Variants in ATXN2L observed in about 807,000 individuals in gnomAD.
ATXN2L encodes ataxin 2 like.
Under a neutral mutation model 120.7 loss-of-function variants are expected in ATXN2L, and 24 were observed. The ratio of observed to expected loss-of-function variants is 0.20; its 90% confidence interval spans 0.14 to 0.28. The LOEUF (loss-of-function observed/expected upper bound fraction) is 0.28, where lower values mean the gene tolerates loss of function less well. Ranked by LOEUF, ATXN2L falls within the 10% of genes least tolerant of loss-of-function variation. ATXN2L has a pLI of 1.00. For missense variants in ATXN2L, 1,312 were observed against 1,432.3 expected (o/e 0.92, Z 1.36); for synonymous variants, 653 against 568.1 (o/e 1.15, Z -2.13).
Position 28,823,312 on chromosome 16 carries a change from C to T in ATXN2L, c.53C>T (p.Pro18Leu). The T allele has an allele frequency of 2.7e-6, 4 of 1,492,190 alleles. No individual in the cohort carries two copies. Among genetic ancestry groups the T allele is most frequent in the Non-Finnish European group, 3.6e-6 (4 of 1,122,648 alleles). 92.4% of individuals were successfully genotyped at this position (1,492,190 alleles called of 1,614,324 possible). ...QQPSQPQQPP[P>L]TQQAVARRPP... ...CCCTCCCAGCCCCAGCAGCCGCCCC[C>T]CACGCAACAGGCCGTGGCCCGTCGG... The change falls in exon 1 of 22, where the codon CCC (proline) becomes CTC (leucine). Residue 18 changes from proline to leucine, a missense_variant. Physicochemically the swap from Pro to Leu is moderately conservative, Grantham distance 98. Coordinates refer to ENST00000336783, the MANE Select transcript of ATXN2L (RefSeq NM_007245.4).
chr16:28,826,157 C>G, intron 4 of ATXN2L, 83 bp from the exon 5 acceptor site: 2 of 1,530,602 alleles, frequency 1.3e-6, no homozygotes, highest in Non-Finnish European at 1.8e-6. Context: ...AAATCCAGTT[C>G]TATTTAAGAG....
chr16:28,831,901 T>C lies in ATXN2L; in HGVS notation c.1322-304T>C, dbSNP rs550629200. 9.9e-5 allele frequency among the ~76,000 whole-genome samples: 15 copies of C among 152,104 alleles called. No individual in the cohort carries two copies. In the South Asian group the frequency reaches 1.9e-3, roughly 19 times the overall value. ...CCCTGTCTCTAAATAAATAAATCAA[T>C]AGAAGCCATAGAAAATTTTTAGTTT... On this transcript the variant is annotated intron_variant, in intron 10 of 21. Coordinates refer to ENST00000336783, the MANE Select transcript of ATXN2L (RefSeq NM_007245.4).
At chr16:28,834,923 G>T (rs956164110) in intron 18 of ATXN2L, 135 bp from the exon 19 acceptor site, 29 of 1,276,572 alleles carry the variant, frequency 2.3e-5, no homozygotes, top group South Asian at 4.4e-5. Flanking sequence ...TGTCTGCTGG[G>T]TGGGATCGTT....
intron 17 of ATXN2L, 42 bp from the exon 18 acceptor site, chr16:28,834,464 G>A (rs1345707336): frequency 1.2e-6 from 2 of 1,613,504 alleles, no homozygotes; most frequent in Non-Finnish European, 8.5e-7. Flanking sequence ...AGGGCCTACT[G>A]GCAGGTGGAG....
chr16:28,825,776 A>G lies in ATXN2L; in HGVS notation c.400A>G (p.Thr134Ala). The G allele has an allele frequency of 6.2e-7, 1 of 1,614,038 alleles. No homozygotes were observed. The highest frequency in any genetic ancestry group is 8.5e-7 in the Non-Finnish European group (1 of 1,179,952). ...LHFLTAVVGS[T>A]CDVKVKNGTT... is the part of the protein sequence containing the mutation. ...ATTTTTCCCACTCTGCCAGGGCTCC[A>G]CTTGTGATGTAAAGGTGAAAAATGG... is the stretch of plus-strand genomic sequence containing the variant. The change falls in exon 4 of 22, where the codon ACT becomes GCT. Residue 134 changes from threonine to alanine, a missense_variant. Coordinates refer to ENST00000336783, the MANE Select transcript of ATXN2L (RefSeq NM_007245.4).
At chr16:28,823,822 A>G (rs890918722) in intron 1 of ATXN2L, 1 of 374,772 alleles carries the variant, frequency 2.7e-6, no homozygotes, top group East Asian at 4.2e-5. Flanking sequence ...GGCGGGGCGC[A>G]TCCCGCCGGC....
rs1959294065 is a variant in ATXN2L at position 28,834,658 on chromosome 16, G to A, written c.2398G>A (p.Ala800Thr). 1.9e-6 allele frequency: 3 copies of A among 1,613,930 alleles called. No individual in the cohort carries two copies. Residue 800 changes from alanine (A) to threonine (T), a missense_variant, in exon 18 of 22, where the codon GCC becomes ACC. Physicochemically the swap from Ala to Thr is moderately conservative, Grantham distance 58. Coordinates refer to ENST00000336783, the MANE Select transcript of ATXN2L (RefSeq NM_007245.4). ...CCCTCAGCAGTTCCCAGGCCAGCCA[G>A]CCATGATGCAGCCCATGGCCCACTA... ...YNPQQFPGQP[A>T]MMQPMAHYPS...
At chr16:28,829,572 A>G (rs1280320583) in intron 7 of ATXN2L, 80 bp downstream of exon 7, 2 of 1,139,332 alleles carry the variant, frequency 1.8e-6, no homozygotes, top group Non-Finnish European at 2.6e-6. Context: ...GGTAGAACAT[A>G]GTTTTTGCTC....
chr16:28,836,628 T>A lies in ATXN2L; in HGVS notation c.*363T>A. ...GAGACACCTTGAGGAGGCCGCTCCT[T>A]CCCAGACACACCCCCACGCCCCCAC... is the stretch of plus-strand genomic sequence containing the variant. On this transcript the variant is annotated 3_prime_UTR_variant, in exon 22 of 22. Transcript: ENST00000336783. The A allele has an allele frequency of 1.2e-6, 2 of 1,605,642 alleles. No individual in the cohort carries two copies. The highest frequency in any genetic ancestry group is 1.7e-6 in the Non-Finnish European group (2 of 1,177,336).
intron 10 of ATXN2L, 105 bp downstream of exon 10, chr16:28,831,177 G>C (rs1439162737): frequency 3.6e-6 from 3 of 840,258 alleles, no homozygotes; most frequent in Non-Finnish European, 5.5e-6. Flanking sequence ...TTTTAAGATA[G>C]ATGTTTTGGG....
Position 28,833,504 on chromosome 16 carries a change from C to G in ATXN2L, c.2021C>G (p.Ser674Cys). 1 of 1,614,166 alleles carries G rather than the reference C, an allele frequency of 6.2e-7. No individual in the cohort carries two copies. The highest frequency in any genetic ancestry group is 8.5e-7 in the Non-Finnish European group (1 of 1,180,012). The change falls in exon 15 of 22, where the codon TCT becomes TGT. Residue 674 changes from serine to cysteine, a missense_variant. Physicochemically the swap from Ser to Cys is moderately radical, Grantham distance 112. Coordinates refer to ENST00000336783, the MANE Select transcript of ATXN2L (RefSeq NM_007245.4). ...TTCAATCCTACAAAGCCTCTGCTGT[C>G]TGTGGTGAGCTGGGACAGGAGAATG... The part of the protein sequence containing the change: ...KEFNPTKPLL[S>C]VNKSTSTPTS...
chr16:28,832,577 G>C lies in ATXN2L; in HGVS notation c.1588+10G>C. 1.2e-6 allele frequency: 2 copies of C among 1,613,242 alleles called. No individual in the cohort carries two copies. Among genetic ancestry groups the C allele is most frequent in the Non-Finnish European group, 1.7e-6 (2 of 1,179,332 alleles). On this transcript the variant is annotated intron_variant, in intron 12 of 21. Coordinates refer to ENST00000336783, the MANE Select transcript of ATXN2L (RefSeq NM_007245.4). ...CGGATAGCTGGGAAAGGTGAGGGTG[G>C]TTTTTTTTCTGCTGAGGATTAATGC...
rs2053476498 is a variant in ATXN2L, at chr16:28,829,250, G to T, written c.742-151G>T. The T allele has an allele frequency of 2.2e-5, 14 of 623,534 alleles. No individual in the cohort carries two copies. The South Asian group carries it at 2.7e-4, about 12-fold the overall frequency. 38.6% of individuals were successfully genotyped at this position (623,534 alleles called of 1,614,324 possible). ...ACTCCTGGCCTCAGGAGAGCCTCCT[G>T]CCTCAGCTTCCCAAAGTACTGGGAT... On this transcript the variant is annotated intron_variant, in intron 6 of 21. Coordinates refer to ENST00000336783, the MANE Select transcript of ATXN2L (RefSeq NM_007245.4).
Position 28,837,198 on chromosome 16 carries a change from A to T in ATXN2L, c.*933A>T, listed in dbSNP as rs977330093. 10 of 171,490 alleles carry T rather than the reference A, an allele frequency of 5.8e-5. No individual in the cohort carries two copies. Among genetic ancestry groups the T allele is most frequent in the East Asian group, 1.7e-4 (1 of 5,824 alleles). The allele number at this position is 171,490 out of a possible 1,614,324, so 10.6% of individuals were successfully genotyped here. A position where few individuals can be genotyped will look rare whatever the true frequency, so the allele number is the denominator to read the frequency against. On this transcript the variant is annotated 3_prime_UTR_variant, in exon 22 of 22. Coordinates refer to ENST00000336783, the MANE Select transcript of ATXN2L (RefSeq NM_007245.4). ...TTACTTTTTATTACATAAAAATATT[A>T]AAAAATAAATAAAAAAAATAAAATT...
intron 18 of ATXN2L, 178 bp downstream of exon 18, chr16:28,834,871 A>G (rs1328484261): frequency 8.8e-7 from 1 of 1,134,762 alleles, no homozygotes; most frequent in African/African-American, 1.6e-5. Flanking sequence ...TACCTGTAAC[A>G]AGGCATTGGA....
chr16:28,836,036 C>G lies in ATXN2L; in HGVS notation c.2999C>G (p.Pro1000Arg), dbSNP rs1400524006. The G allele has an allele frequency of 6.3e-7, 1 of 1,592,906 alleles. No homozygotes were observed. Among genetic ancestry groups the G allele is most frequent in the Non-Finnish European group, 8.6e-7 (1 of 1,167,932 alleles). ...CACCCACCCCAGAGTCATGGGGGGC[C>G]CCCCCAAGGCGCGGTGCCCCAGAGT... is the stretch of plus-strand genomic sequence containing the variant. Reference protein sequence around the residue: ...LLHPPQSHGGPPQGAVPQSGV... With the variant: ...LLHPPQSHGGRPQGAVPQSGV... The change falls in exon 22 of 22, where the codon CCC becomes CGC. Residue 1000 changes from proline to arginine, a missense_variant. Pro to Arg is a moderately radical substitution (Grantham distance 103). Transcript: ENST00000336783.
chr16:28,826,378 T>G lies in ATXN2L; in HGVS notation c.604T>G (p.Tyr202Asp), dbSNP rs2051974181. 1 of 1,614,088 alleles carries G rather than the reference T, an allele frequency of 6.2e-7. No individual in the cohort carries two copies. The highest frequency in any genetic ancestry group is 1.7e-5 in the Admixed American group (1 of 60,002). Residue 202 changes from tyrosine (Y) to aspartate (D), a missense_variant, in exon 5 of 22, where the codon TAT (tyrosine) becomes GAT (aspartate). Tyr to Asp is a radical substitution (Grantham distance 160). Transcript: ENST00000336783. Reference sequence around the variant, plus strand: ...TCACTTCCGAAATGTTGACTTCAACTATGCTACTAAAGGTATTGTCCTAGG... The same window carrying G: ...TCACTTCCGAAATGTTGACTTCAACGATGCTACTAAAGGTATTGTCCTAGG... ...LVHFRNVDFNYATKDKFTDSA... is the reference protein window; with the variant it reads ...LVHFRNVDFNDATKDKFTDSA...
In ATXN2L at chr16:28,834,264, G is replaced by A. The variant is rs895602064; in HGVS notation, c.2172+53G>A. ...GGTTAGCGGGGTGGGATTTGGTTGC[G>A]CTGGTTGAGGGACCAGGTCAGGCCT... On this transcript the variant is annotated intron_variant, in intron 16 of 21. Coordinates refer to ENST00000336783, the MANE Select transcript of ATXN2L (RefSeq NM_007245.4). The A allele has an allele frequency of 6.2e-6, 10 of 1,609,834 alleles. No individual in the cohort carries two copies. In the African/African-American group the frequency reaches 8.0e-5, roughly 13 times the overall value.
At chr16:28,827,016 G>A in intron 6 of ATXN2L, 30 bp downstream of exon 6, 2 of 1,421,116 alleles carry the variant, frequency 1.4e-6, no homozygotes, top group Non-Finnish European at 9.3e-7. Flanking sequence ...GAACTTGGGA[G>A]CTGGACAGAC....
Sources: allele counts gnomAD v4.1 joint callset (sites outside exome capture counted in the v4.1 genomes callset), GRCh38; gene constraint gnomAD v4.1.1; transcripts MANE v1.5; gene names NCBI Gene and HGNC (gene_info 2026-07-23, HGNC 2026-07-21).